Variants in LPGAT1 observed in about 807,000 individuals in gnomAD.
LPGAT1 encodes acyl-CoA:lysophosphatidylglycerol acyltransferase 1.
Under a neutral mutation model 47.5 loss-of-function variants are expected in LPGAT1, and 11 were observed. The ratio of observed to expected loss-of-function variants is 0.23; its 90% CI spans 0.15 to 0.38. The LOEUF is 0.38. LPGAT1 is among the 10% of genes least tolerant of loss of function. LPGAT1 has a pLI of 1.00. For synonymous variants in LPGAT1, 138 were observed against 144.2 expected (o/e 0.96, Z 0.31); for missense variants, 293 against 439.0 (o/e 0.67, Z 2.97).
intron 3 of LPGAT1, among the ~76,000 whole-genome samples, chr1:211,788,764 T>C (rs1292812452): frequency 6.6e-6 from 1 of 152,120 alleles, no homozygotes; most frequent in Non-Finnish European, 1.5e-5. Flanking sequence ...GGAAATAGCA[T>C]TCCTTGTTAT....
intron 2 of LPGAT1, among the ~76,000 whole-genome samples, chr1:211,808,786 C>T (rs1306284138): frequency 1.3e-5 from 2 of 152,116 alleles, no homozygotes; most frequent in East Asian, 3.8e-4. Context: ...TATCTTTTTT[C>T]CTCCAGATCA....
intron 2 of LPGAT1, among the ~76,000 whole-genome samples, chr1:211,806,827 A>T (rs889895274): frequency 1.3e-5 from 2 of 152,198 alleles, no homozygotes; most frequent in African/African-American, 4.8e-5. Context: ...CGTAAAACCT[A>T]CAACAAACAT....
intron 6 of LPGAT1, among the ~76,000 whole-genome samples, chr1:211,770,247 A>C (rs528503918): frequency 5.3e-4 from 81 of 152,302 alleles, no homozygotes; most frequent in African/African-American, 1.8e-3. Flanking sequence ...TGTCATAGAT[A>C]ATTTAAAATA....
chr1:211,811,496 G>T (rs1452398590), intron 2 of LPGAT1, among the ~76,000 whole-genome samples: 1 of 152,198 alleles, frequency 6.6e-6, no homozygotes, highest in Non-Finnish European at 1.5e-5. Flanking sequence ...AGTGGCTCAT[G>T]CCTGTAATCC....
chr1:211,783,100 T>C (rs1658708720), intron 5 of LPGAT1, 129 bp downstream of exon 5: 1 of 840,602 alleles, frequency 1.2e-6, no homozygotes, highest in African/African-American at 1.7e-5. Flanking sequence ...TTTAAAAAAT[T>C]ACAGTTTCAT....
At chr1:211,781,627 G>C (rs576834575) in intron 5 of LPGAT1, among the ~76,000 whole-genome samples, 1 of 152,164 alleles carries the variant, frequency 6.6e-6, no homozygotes, top group Non-Finnish European at 1.5e-5. Flanking sequence ...TTATTTCTAC[G>C]TCTGGTCCTG....
intron 2 of LPGAT1, among the ~76,000 whole-genome samples, chr1:211,817,159 A>T (rs1036691433): frequency 2.0e-5 from 3 of 152,224 alleles, no homozygotes; most frequent in African/African-American, 7.2e-5. Context: ...GACCTCAATT[A>T]ACTTTAATAA....
chr1:211,810,992 C>A (rs1298498148), intron 2 of LPGAT1, among the ~76,000 whole-genome samples: 1 of 152,126 alleles, frequency 6.6e-6, no homozygotes, highest in African/African-American at 2.4e-5. Flanking sequence ...CAATAGGGAG[C>A]AGTGGGACTG....
At chr1:211,823,556 T>C (rs1267070264) in intron 2 of LPGAT1, among the ~76,000 whole-genome samples, 2 of 152,028 alleles carry the variant, frequency 1.3e-5, no homozygotes. Context: ...GTGAGCTCCT[T>C]AAAGTCACTG....
At position 211,830,099 on chromosome 1, in the gene LPGAT1, C is replaced by A; in HGVS notation, c.-28+474G>T. 1 of 984,634 alleles carries A rather than the reference C, an allele frequency of 1.0e-6. No homozygotes were observed. The highest frequency in any genetic ancestry group is 1.7e-5 in the African/African-American group (1 of 57,270). 61.0% of individuals were successfully genotyped at this position (984,634 alleles called of 1,614,324 possible). ...AGGGGCAGAGAAGAGGCGACCGCAGCGCGGGGAGCCGGTGGAGCCTGCAGC... is the reference window on the plus strand; with the variant it reads ...AGGGGCAGAGAAGAGGCGACCGCAGAGCGGGGAGCCGGTGGAGCCTGCAGC... On this transcript the variant is annotated intron_variant, in intron 1 of 7. Coordinates refer to ENST00000366997, the MANE Select transcript of LPGAT1 (RefSeq NM_014873.3). The surrounding 1 kb of genome is among the most constrained non-coding windows in gnomAD (Gnocchi z 5.9).
In LPGAT1 at chr1:211,830,139, TG is replaced by T. The variant is rs1257954548; in HGVS notation, c.-28+433del. ...GAGCCTGCAGCGGTTTCCGCGGATG[TG>T]GAAGGGTCGTGGCGGCGGGCGCGGC... On this transcript the variant is annotated intron_variant, in intron 1 of 7. Transcript: ENST00000366997. The surrounding 1 kb of genome is among the most constrained non-coding windows in gnomAD (Gnocchi z 5.9). 1.0e-6 allele frequency: 1 copy of T among 983,716 alleles called. No individual in the cohort carries two copies. The highest frequency in any genetic ancestry group is 1.8e-5 in the African/African-American group (1 of 57,016). 60.9% of individuals were successfully genotyped at this position (983,716 alleles called of 1,614,324 possible). A position where few individuals can be genotyped will look rare whatever the true frequency, so the allele number is the denominator to read the frequency against.
chr1:211,760,494 T>A (rs1241335100), intron 6 of LPGAT1, among the ~76,000 whole-genome samples: 1 of 152,156 alleles, frequency 6.6e-6, no homozygotes, highest in Non-Finnish European at 1.5e-5. Context: ...TATATTGTGT[T>A]TTCATTTCAA....
Position 211,745,509 on chromosome 1 carries a change from T to G in LPGAT1, c.*4390A>C, listed in dbSNP as rs1468585953. 6.6e-6 allele frequency: 1 copy of G among 152,226 alleles called. No individual in the cohort carries two copies. Among genetic ancestry groups the G allele is most frequent in the Non-Finnish European group, 1.5e-5 (1 of 68,036 alleles). The allele number at this position is 152,226 out of a possible 1,614,324, so 9.4% of individuals were successfully genotyped here. The stretch of plus-strand genomic sequence containing the variant: ...GCCATTCAAGATATGTGTGCATACT[T>G]TGCAACTAGAATACACTTAAAAAAC... On this transcript the variant is annotated 3_prime_UTR_variant, in exon 8 of 8. Coordinates refer to ENST00000366997, the MANE Select transcript of LPGAT1 (RefSeq NM_014873.3).
At chr1:211,816,842 C>G (rs1660192562) in intron 2 of LPGAT1, among the ~76,000 whole-genome samples, 1 of 152,178 alleles carries the variant, frequency 6.6e-6, no homozygotes, top group Admixed American at 6.5e-5. Context: ...AGGATCCAAC[C>G]TCATACTAGC....
At chr1:211,817,883 G>A (rs1050351976) in intron 2 of LPGAT1, among the ~76,000 whole-genome samples, 6 of 152,072 alleles carry the variant, frequency 3.9e-5, no homozygotes, top group African/African-American at 1.4e-4. Flanking sequence ...GAGACAGGCT[G>A]GAGTGCAGTG....
chr1:211,773,734 C>T (rs1315997992), intron 6 of LPGAT1, among the ~76,000 whole-genome samples: 3 of 152,156 alleles, frequency 2.0e-5, no homozygotes, highest in African/African-American at 7.2e-5. Context: ...AACCACTGAA[C>T]AGCAGTGCAC....
chr1:211,802,940 T>C (rs1401227696), intron 2 of LPGAT1: 1 of 152,128 alleles, frequency 6.6e-6, no homozygotes, highest in African/African-American at 2.4e-5. Flanking sequence ...ACTTGGAATT[T>C]CTCAATAGCT....
intron 6 of LPGAT1, among the ~76,000 whole-genome samples, chr1:211,771,034 T>C (rs942910405): frequency 1.3e-5 from 2 of 150,602 alleles, no homozygotes; most frequent in Admixed American, 6.6e-5. Flanking sequence ...GAGGTGGAGG[T>C]TGCAGTAAGC....
chr1:211,810,857 A>C (rs1166874114), intron 2 of LPGAT1, among the ~76,000 whole-genome samples: 1 of 152,236 alleles, frequency 6.6e-6, no homozygotes, highest in African/African-American at 2.4e-5. Flanking sequence ...TTATATCTAT[A>C]AATACAAATT....
Sources: gnomAD v4.1 joint callset for allele counts (sites outside exome capture counted in the v4.1 genomes callset) on GRCh38, gnomAD v4.1.1 for gene constraint, Gnocchi (gnomAD v3.1) non-coding constraint, MANE v1.5 for transcripts, NCBI Gene and HGNC (gene_info 2026-07-23, HGNC 2026-07-21) for gene names.